The following PAM16 variants were observed in gnomAD, a reference collection of about 807,000 sequenced individuals.
PAM16 encodes presequence translocase associated motor 16.
A neutral mutation model predicts 17.9 loss-of-function variants in PAM16; 11 were observed. The ratio of observed to expected loss-of-function variants is 0.62; its 90% CI spans 0.39 to 1.02. PAM16 has a LOEUF of 1.02. Ranked by LOEUF, PAM16 falls within the 50% of genes least tolerant of loss-of-function variation. The probability of loss-of-function intolerance (pLI) is 0.01; values close to 1 mark genes in which losing one functional copy is unlikely to be tolerated. For missense variants in PAM16, 199 were observed against 165.4 expected (o/e 1.20, Z -1.11); for synonymous variants, 72 against 67.4 (o/e 1.07, Z -0.34).
At chr16:4,345,366 G>A (rs1277367890) in intron 1 of PAM16, 1 of 152,132 alleles carries the variant, frequency 6.6e-6, no homozygotes, top group South Asian at 2.1e-4. Flanking sequence ...GTAACAGCAG[G>A]TGCCTCGGAG....
rs554024143 is a variant in PAM16, at chr16:4,343,129, T to C, written c.88+78A>G. ...ACGCACACTTCAGAACCGCCAGGCCTGAGGTGCCCATGGCTACGGGGAAAA... is the reference window on the plus strand; with the variant it reads ...ACGCACACTTCAGAACCGCCAGGCCCGAGGTGCCCATGGCTACGGGGAAAA... On this transcript the variant is annotated intron_variant, in intron 2 of 4. Transcript: ENST00000318059. The C allele has an allele frequency of 6.3e-6, 10 of 1,593,460 alleles. No individual in the cohort carries two copies. The East Asian group carries it at 2.2e-4, about 36-fold the overall frequency.
At chr16:4,346,722 T>A (rs984831664) in intron 1 of PAM16, 2 of 152,278 alleles carry the variant, frequency 1.3e-5, no homozygotes, top group East Asian at 1.9e-4. Context: ...GTCTTTTATT[T>A]TTTATTTATT....
chr16:4,343,442 C>G, intron 1 of PAM16, 151 bp from the exon 2 acceptor site: 1 of 1,439,388 alleles, frequency 6.9e-7, no homozygotes, highest in Non-Finnish European at 9.1e-7. Flanking sequence ...TCCAAAGCAC[C>G]CTGAATGAAA....
chr16:4,350,892 A>T (rs1391294729), intron 1 of PAM16: 4 of 238,830 alleles, frequency 1.7e-5, no homozygotes, highest in Non-Finnish European at 3.2e-5. Context: ...AGCAACATCG[A>T]CTCTGCAGCG....
chr16:4,350,837 A>C (rs1170923153), intron 1 of PAM16: 2 of 179,950 alleles, frequency 1.1e-5, no homozygotes, highest in Non-Finnish European at 2.3e-5. Context: ...CAGGTCAGCC[A>C]CTTCCCTGGA....
chr16:4,351,218 G>C lies in PAM16; in HGVS notation c.3+14C>G. 2 of 1,417,954 alleles carry C rather than the reference G, an allele frequency of 1.4e-6. No homozygotes were observed. Among genetic ancestry groups the C allele is most frequent in the Non-Finnish European group, 1.9e-6 (2 of 1,075,900 alleles). The allele number at this position is 1,417,954 out of a possible 1,614,324, so 87.8% of individuals were successfully genotyped here. On this transcript the variant is annotated intron_variant, in intron 1 of 4. Transcript: ENST00000318059. ...CGGCTTCCCCTCCCCGGTAGCGCCC[G>C]ACTCGGGGCTCACCATGGCAGCCGC...
intron 3 of PAM16, 110 bp from the exon 4 acceptor site, chr16:4,341,095 G>T: frequency 7.1e-7 from 1 of 1,402,208 alleles, no homozygotes; most frequent in Non-Finnish European, 1.0e-6. Context: ...TCCACCCTGT[G>T]TGCCACACCC....
chr16:4,341,946 C>T (rs1006801879), intron 2 of PAM16, among the ~76,000 whole-genome samples: 2 of 152,208 alleles, frequency 1.3e-5, no homozygotes, highest in Non-Finnish European at 2.9e-5. Flanking sequence ...TTCAGTGACC[C>T]CAGAACCTAG....
At chr16:4,350,636 C>A (rs1171880965) in intron 1 of PAM16, among the ~76,000 whole-genome samples, 1 of 152,110 alleles carries the variant, frequency 6.6e-6, no homozygotes, top group Non-Finnish European at 1.5e-5. Flanking sequence ...CTCCTGACCT[C>A]GTGATCCGCC....
rs76001902 is a variant in PAM16, at chr16:4,349,462, G to A, written c.3+1770C>T. On this transcript the variant is annotated intron_variant, in intron 1 of 4. Transcript: ENST00000318059. ...GCATGCCTGTTGTCCCAACTACCCG[G>A]GAGGCTGAGGCTACTGGGGAGGATG... Among the ~76,000 whole-genome samples the A allele has an allele frequency of 7.2e-3, 1,093 of 152,240 alleles. 10 individuals carry two copies. Among genetic ancestry groups the A allele is most frequent in the African/African-American group, 0.025 (1,040 of 41,532 alleles).
Position 4,341,431 on chromosome 16 carries a change from G to A in PAM16, c.162C>T (p.Leu54=). ...RSAAASNLSG[L]SLQEAQQILN... is the part of the protein sequence containing the mutation. ...GAATCTGCTGTGCCTCCTGGAGGCT[G>A]AGGCCGGAGAGGTTGGAAGCGGCTG... Residue 54 remains leucine, a synonymous_variant, in exon 3 of 5, where the codon CTC becomes CTT. Coordinates refer to ENST00000318059, the MANE Select transcript of PAM16 (RefSeq NM_016069.11). 2.5e-6 allele frequency: 4 copies of A among 1,607,488 alleles called. No homozygotes were observed. The highest frequency in any genetic ancestry group is 2.7e-5 in the African/African-American group (2 of 75,016).
chr16:4,346,034 C>G (rs1004153937), intron 1 of PAM16: 1 of 939,148 alleles, frequency 1.1e-6, no homozygotes, highest in South Asian at 4.9e-5. Flanking sequence ...ACGGTAAGAG[C>G]TGAGGTCATA....
chr16:4,348,885 G>T (rs1181305942), intron 1 of PAM16, among the ~76,000 whole-genome samples: 1 of 151,006 alleles, frequency 6.6e-6, no homozygotes, highest in South Asian at 2.1e-4. Flanking sequence ...TCGAACCCCT[G>T]AGCTCAGGTA....
rs756556047 is a variant in PAM16 at position 4,340,367 on chromosome 16, T to A, written c.330A>T (p.Lys110Asn). ...TTTCTCTGTCCTCCTGGGCCTGGAT[T>A]TTGAGTTCCTCATCCAGGCGCTCCT... ...RAKERLDEEL[K>N]IQAQEDREKG... is the part of the protein sequence containing the mutation. The change falls in exon 5 of 5, where the codon AAA becomes AAT. Residue 110 changes from lysine to asparagine, a missense_variant. Transcript: ENST00000318059. 6.2e-7 allele frequency: 1 copy of A among 1,612,960 alleles called. No individual in the cohort carries two copies. Among genetic ancestry groups the A allele is most frequent in the Non-Finnish European group, 8.5e-7 (1 of 1,179,914 alleles).
chr16:4,351,145 C>T, intron 1 of PAM16, 87 bp downstream of exon 1: 1 of 730,376 alleles, frequency 1.4e-6, no homozygotes. Flanking sequence ...ACGGCGCCCG[C>T]CGCCCAGCCC....
intron 1 of PAM16, chr16:4,343,682 C>G (rs1017260151): frequency 1.6e-6 from 1 of 629,438 alleles, no homozygotes. Context: ...CTGGGGCCGA[C>G]CATCACTCTT....
At chr16:4,348,312 T>TA (rs1184090849) in intron 1 of PAM16, 1 of 152,252 alleles carries the variant, frequency 6.6e-6, no homozygotes, top group Non-Finnish European at 1.5e-5. Context: ...AAGCGCCTCC[T>TA]AACCCTTCTG....
chr16:4,340,531 C>T, intron 4 of PAM16, 126 bp from the exon 5 acceptor site: 4 of 1,075,244 alleles, frequency 3.7e-6, no homozygotes, highest in Non-Finnish European at 5.3e-6. Flanking sequence ...GATACCAATG[C>T]TTCCTTCAGT....
chr16:4,341,074 C>T, intron 3 of PAM16, 89 bp from the exon 4 acceptor site: 2 of 1,496,326 alleles, frequency 1.3e-6, no homozygotes, highest in South Asian at 2.3e-5. Flanking sequence ...AGAGAGGCAA[C>T]AGGACTCCTC....
Sources: allele counts gnomAD v4.1 joint callset (sites outside exome capture counted in the v4.1 genomes callset), GRCh38; gene constraint gnomAD v4.1.1; transcripts MANE v1.5; gene names NCBI Gene and HGNC (gene_info 2026-07-23, HGNC 2026-07-21).